The following ATP2B2 variants were observed in gnomAD, a reference collection of about 807,000 sequenced individuals.
ATP2B2 encodes the protein ATPase plasma membrane Ca2+ transporting 2.
In ATP2B2, 15 loss-of-function variants were observed where a neutral mutation model predicts 120.0. The observed-to-expected ratio is 0.12, with a 90% CI of 0.08 to 0.19. The LOEUF is 0.19. ATP2B2 is among the 10% of genes least tolerant of loss of function. The probability of loss-of-function intolerance (pLI) is 1.00; values close to 1 mark genes in which losing one functional copy is unlikely to be tolerated. For missense variants in ATP2B2, 1,045 were observed against 1,719.8 expected (o/e 0.61, Z 6.94); for synonymous variants, 694 against 700.3 (o/e 0.99, Z 0.14).
At chr3:10,415,347 G>A (rs2062744942) in intron 2 of ATP2B2, among the ~76,000 whole-genome samples, 1 of 152,192 alleles carries the variant, frequency 6.6e-6, no homozygotes, top group African/African-American at 2.4e-5. Context: ...GTTCTGGAGA[G>A]GAAGACTTTG....
chr3:10,655,699 C>T (rs2070605577), intron 1 of ATP2B2, among the ~76,000 whole-genome samples: 1 of 152,232 alleles, frequency 6.6e-6, no homozygotes, highest in Non-Finnish European at 1.5e-5. Context: ...ATTCCACCTT[C>T]CCACTTAACC....
intron 2 of ATP2B2, among the ~76,000 whole-genome samples, chr3:10,539,974 A>G (rs961368388): frequency 1.3e-5 from 2 of 152,140 alleles, no homozygotes; most frequent in African/African-American, 4.8e-5. Context: ...ACCCATCCGA[A>G]AAAGGGCTAA....
At chr3:10,477,304 G>A (rs1460802948) in intron 1 of ATP2B2, among the ~76,000 whole-genome samples, 1 of 152,192 alleles carries the variant, frequency 6.6e-6, no homozygotes, top group Non-Finnish European at 1.5e-5. Context: ...GTTCGCTCTG[G>A]AAGTTTCATA....
chr3:10,583,408 A>T (rs1008668671), intron 2 of ATP2B2, among the ~76,000 whole-genome samples: 2 of 152,184 alleles, frequency 1.3e-5, no homozygotes, highest in African/African-American at 2.4e-5. Flanking sequence ...ATATCCAAAC[A>T]GTGCCTTATA....
intron 14 of ATP2B2, among the ~76,000 whole-genome samples, chr3:10,353,369 G>T (rs2060629371): frequency 6.6e-6 from 1 of 152,220 alleles, no homozygotes; most frequent in African/African-American, 2.4e-5. Context: ...TGCCAACTGA[G>T]GCTCTGGTTC....
chr3:10,465,217 C>T (rs1288172862), intron 1 of ATP2B2, among the ~76,000 whole-genome samples: 2 of 152,218 alleles, frequency 1.3e-5, no homozygotes, highest in Non-Finnish European at 1.5e-5. Context: ...AGTTCAAGTG[C>T]CAAAGTGCTT....
intron 14 of ATP2B2, among the ~76,000 whole-genome samples, chr3:10,355,827 ACTTTGG>A (rs2060703428): frequency 7.8e-5 from 2 of 25,504 alleles, no homozygotes; most frequent in Non-Finnish European, 1.5e-4. Flanking sequence ...TAATCCCAGC[ACTTTGG>A]GAGGCCGAGG....
chr3:10,332,208 T>G, intron 22 of ATP2B2: 1 of 639,322 alleles, frequency 1.6e-6, no homozygotes, highest in Non-Finnish European at 2.9e-6. Context: ...CCCCTAACAG[T>G]GCAAACTCCT....
intron 2 of ATP2B2, among the ~76,000 whole-genome samples, chr3:10,572,006 T>G (rs1366781640): frequency 6.6e-6 from 1 of 152,182 alleles, no homozygotes; most frequent in Non-Finnish European, 1.5e-5. Flanking sequence ...GCCATGTGAC[T>G]TGCTCTGTCC....
At chr3:10,477,591 T>G (rs2125308207) in intron 1 of ATP2B2, among the ~76,000 whole-genome samples, 1 of 152,332 alleles carries the variant, frequency 6.6e-6, no homozygotes. Context: ...CATTCCATTT[T>G]CTGTTTCTAT....
chr3:10,546,314 C>T (rs1027786529), intron 2 of ATP2B2, among the ~76,000 whole-genome samples: 1 of 152,154 alleles, frequency 6.6e-6, no homozygotes, highest in African/African-American at 2.4e-5. Flanking sequence ...GAACCCTCTC[C>T]CCATATCCAC....
At chr3:10,349,446 C>A (rs911208156) in intron 16 of ATP2B2, among the ~76,000 whole-genome samples, 16 of 151,956 alleles carry the variant, frequency 1.1e-4, no homozygotes, top group Admixed American at 2.6e-4. Flanking sequence ...CAGAGGGAGA[C>A]CCTGTCTCAA....
chr3:10,435,813 T>G (rs1419522110), intron 2 of ATP2B2, among the ~76,000 whole-genome samples: 1 of 152,078 alleles, frequency 6.6e-6, no homozygotes, highest in Non-Finnish European at 1.5e-5. Context: ...GGAGCCTTTT[T>G]AAAAGACTCT....
intron 1 of ATP2B2, among the ~76,000 whole-genome samples, chr3:10,498,758 T>C (rs2066261364): frequency 6.6e-6 from 1 of 152,150 alleles, no homozygotes. Context: ...CCCCAAACGG[T>C]GTCATCCATT....
At chr3:10,587,802 T>C (rs181326493) in intron 2 of ATP2B2, among the ~76,000 whole-genome samples, 2 of 152,190 alleles carry the variant, frequency 1.3e-5, no homozygotes, top group Non-Finnish European at 2.9e-5. Flanking sequence ...TCTTAGTGCG[T>C]AGAAACAAGG....
At chr3:10,396,756 G>A (rs2062050284) in intron 5 of ATP2B2, among the ~76,000 whole-genome samples, 1 of 152,190 alleles carries the variant, frequency 6.6e-6, no homozygotes, top group Admixed American at 6.5e-5. Context: ...GTGGGAAAGG[G>A]GAGACATTTG....
chr3:10,678,192 T>A (rs1559517448), intron 1 of ATP2B2, among the ~76,000 whole-genome samples: 1 of 152,254 alleles, frequency 6.6e-6, no homozygotes, highest in Admixed American at 6.5e-5. Context: ...TGGTATTCTC[T>A]ATTCCAAAAT....
intron 8 of ATP2B2, among the ~76,000 whole-genome samples, chr3:10,380,584 G>C (rs2061504701): frequency 6.6e-6 from 1 of 152,170 alleles, no homozygotes; most frequent in Non-Finnish European, 1.5e-5. Flanking sequence ...GGTCTCAATG[G>C]GTAAATGGAG....
intron 2 of ATP2B2, among the ~76,000 whole-genome samples, chr3:10,618,433 A>T (rs1003190884): frequency 1.3e-5 from 2 of 152,228 alleles, no homozygotes; most frequent in African/African-American, 4.8e-5. Flanking sequence ...CTGCCTTGGG[A>T]GGAGCTGAGT....
Sources: allele counts gnomAD v4.1 joint callset (sites outside exome capture counted in the v4.1 genomes callset), GRCh38; gene constraint gnomAD v4.1.1; transcripts MANE v1.5; gene names NCBI Gene and HGNC (gene_info 2026-07-23, HGNC 2026-07-21).